Variants in RBMS3 observed in about 807,000 individuals in gnomAD.
The protein encoded by RBMS3 is RNA binding motif single stranded interacting protein 3, also known as RNA-binding motif, single-stranded-interacting protein 3.
A neutral mutation model predicts 66.8 loss-of-function variants in RBMS3; 27 were observed. That is an observed-to-expected ratio of 0.40 (90% CI 0.30 to 0.56). The LOEUF (loss-of-function observed/expected upper bound fraction) is 0.56, where lower values mean the gene tolerates loss of function less well. RBMS3 is among the 20% of genes least tolerant of loss of function. The probability of loss-of-function intolerance (pLI) is 0.40; values close to 1 mark genes in which losing one functional copy is unlikely to be tolerated. For missense variants in RBMS3, 513 were observed against 549.5 expected, an observed-to-expected ratio of 0.93 and a Z score of 0.66; for synonymous variants, 188 against 183.0, an observed-to-expected ratio of 1.03 and a Z score of -0.22.
chr3:29,796,114 G>A (rs1205142130), intron 6 of RBMS3, among the ~76,000 whole-genome samples: 1 of 152,198 alleles, frequency 6.6e-6, no homozygotes, highest in Non-Finnish European at 1.5e-5. Flanking sequence ...GTTTCCCAGT[G>A]CATGTAAAAG....
At chr3:29,365,516 T>C (rs1275409484) in intron 1 of RBMS3, among the ~76,000 whole-genome samples, 1 of 151,850 alleles carries the variant, frequency 6.6e-6, no homozygotes, top group African/African-American at 2.4e-5. Flanking sequence ...GGCTAAAATT[T>C]GAAAAAAAAA....
At chr3:29,905,213 A>G (rs1451210392) in intron 10 of RBMS3, among the ~76,000 whole-genome samples, 1 of 152,030 alleles carries the variant, frequency 6.6e-6, no homozygotes, top group Non-Finnish European at 1.5e-5. Flanking sequence ...CAATAAAACT[A>G]TATTTACAGA....
rs368382303 is a variant in RBMS3 at position 29,828,977 on chromosome 3, A to ACTTTCTTTCTTT, written c.638-39820_638-39809dup. On this transcript the variant is annotated intron_variant, in intron 6 of 14. Coordinates refer to ENST00000383767, the MANE Select transcript of RBMS3 (RefSeq NM_001003793.3). ...GCATCCAGCCTGCTGTTAGCGAGTGACTTTCTTTCTTTCTTTCTTTCTTTC... is the reference window on the plus strand; with the variant it reads ...GCATCCAGCCTGCTGTTAGCGAGTGACTTTCTTTCTTTCTTTCTTTCTTTCTTTCTTTCTTTC... Among the ~76,000 whole-genome samples the ACTTTCTTTCTTT allele has an allele frequency of 4.7e-3, 460 of 98,644 alleles. 2 individuals carry two copies. The highest frequency in any genetic ancestry group is 7.7e-3 in the East Asian group (31 of 4,046). 64.7% of individuals were successfully genotyped at this position (98,644 alleles called of 152,430 possible).
intron 2 of RBMS3, among the ~76,000 whole-genome samples, chr3:29,442,519 C>G (rs1487920321): frequency 6.6e-6 from 1 of 152,040 alleles, no homozygotes; most frequent in East Asian, 1.9e-4. Context: ...AGTTTACGAT[C>G]TTGATGGTAG....
At chr3:29,473,315 A>C (rs971780034) in intron 2 of RBMS3, among the ~76,000 whole-genome samples, 13 of 152,242 alleles carry the variant, frequency 8.5e-5, no homozygotes, top group African/African-American at 2.9e-4. Flanking sequence ...TTAGCTAGAC[A>C]TAAAGGTTCT....
intron 4 of RBMS3, among the ~76,000 whole-genome samples, chr3:29,729,364 C>T (rs1019063922): frequency 6.6e-6 from 1 of 152,086 alleles, no homozygotes; most frequent in African/African-American, 2.4e-5. Context: ...ATATGTGCCA[C>T]ATTTTCTTAA....
chr3:29,869,455 GT>G (rs2059437242), intron 7 of RBMS3, among the ~76,000 whole-genome samples: 1 of 151,668 alleles, frequency 6.6e-6, no homozygotes, highest in African/African-American at 2.4e-5. Flanking sequence ...TTTGATATCT[GT>G]TTATATATGT....
chr3:29,463,349 C>T (rs2042431321), intron 2 of RBMS3, among the ~76,000 whole-genome samples: 1 of 152,154 alleles, frequency 6.6e-6, no homozygotes, highest in African/African-American at 2.4e-5. Context: ...AAATACCATT[C>T]AAACATTTGG....
At chr3:29,285,627 C>T (rs1013256697) in intron 1 of RBMS3, among the ~76,000 whole-genome samples, 1 of 152,046 alleles carries the variant, frequency 6.6e-6, no homozygotes, top group Non-Finnish European at 1.5e-5. Context: ...AATTTCTTGG[C>T]TGGTGATACT....
chr3:29,485,621 A>C (rs1228344709), intron 2 of RBMS3, among the ~76,000 whole-genome samples: 2 of 152,190 alleles, frequency 1.3e-5, no homozygotes, highest in Non-Finnish European at 2.9e-5. Flanking sequence ...AAATATATTT[A>C]CTTCATTTAT....
At chr3:29,457,321 C>T (rs1011015344) in intron 2 of RBMS3, among the ~76,000 whole-genome samples, 2 of 152,158 alleles carry the variant, frequency 1.3e-5, no homozygotes, top group African/African-American at 4.8e-5. Flanking sequence ...TGACTATTCT[C>T]CTTGTCTCTA....
intron 6 of RBMS3, among the ~76,000 whole-genome samples, chr3:29,804,531 A>T (rs892155961): frequency 2.0e-5 from 3 of 152,088 alleles, no homozygotes; most frequent in Non-Finnish European, 4.4e-5. Flanking sequence ...TGTGCCAATC[A>T]TTGAGATTCA....
chr3:29,758,992 A>G (rs1013159030), intron 5 of RBMS3, among the ~76,000 whole-genome samples: 1 of 152,160 alleles, frequency 6.6e-6, no homozygotes, highest in African/African-American at 2.4e-5. Flanking sequence ...TTTTAAATAC[A>G]TGGTTAATAA....
At chr3:29,496,192 C>G in intron 3 of RBMS3, among the ~76,000 whole-genome samples, 1 of 69,862 alleles carries the variant, frequency 1.4e-5, no homozygotes, top group Non-Finnish European at 2.6e-5. Context: ...ACCCCGCCCA[C>G]ATCAAAAAAA....
intron 2 of RBMS3, among the ~76,000 whole-genome samples, chr3:29,435,973 C>CA (rs71091061): frequency 0.3 from 40,986 of 137,906 alleles, 6,384 homozygotes; most frequent in Middle Eastern, 0.38. Context: ...GACTCCGTCT[C>CA]AAAAAAAAAA....
At chr3:29,610,676 A>T (rs1265510098) in intron 4 of RBMS3, among the ~76,000 whole-genome samples, 2 of 152,044 alleles carry the variant, frequency 1.3e-5, no homozygotes, top group African/African-American at 2.4e-5. Flanking sequence ...TAGATTGTGG[A>T]TCTGTTAATG....
At chr3:29,979,682 C>A (rs1697848353) in intron 12 of RBMS3, among the ~76,000 whole-genome samples, 1 of 152,124 alleles carries the variant, frequency 6.6e-6, no homozygotes, top group Non-Finnish European at 1.5e-5. Flanking sequence ...TGAGAATATG[C>A]AGTGTTTGGT....
chr3:29,852,576 A>G (rs986124143), intron 6 of RBMS3, among the ~76,000 whole-genome samples: 1 of 152,210 alleles, frequency 6.6e-6, no homozygotes, highest in African/African-American at 2.4e-5. Flanking sequence ...ATCATCACTG[A>G]TCTTTAGAGA....
intron 5 of RBMS3, among the ~76,000 whole-genome samples, chr3:29,761,321 C>A (rs772463557): frequency 1.8e-4 from 27 of 152,070 alleles, no homozygotes; most frequent in African/African-American, 9.7e-5. Flanking sequence ...AATTATAGCT[C>A]AAAACTGGAA....
Sources: allele counts gnomAD v4.1 joint callset (sites outside exome capture counted in the v4.1 genomes callset), GRCh38; gene constraint gnomAD v4.1.1; transcripts MANE v1.5; gene names NCBI Gene and HGNC (gene_info 2026-07-23, HGNC 2026-07-21).